Variants in CREB5 observed in about 807,000 individuals in gnomAD.
CREB5 encodes cAMP responsive element binding protein 5.
In CREB5, 19 loss-of-function variants were observed where a neutral mutation model predicts 57.1. The ratio of observed to expected loss-of-function variants is 0.33; its 90% confidence interval spans 0.23 to 0.49. The LOEUF (loss-of-function observed/expected upper bound fraction) is 0.49. Ranked by LOEUF, CREB5 falls within the 20% of genes least tolerant of loss-of-function variation. CREB5 has a pLI of 0.99. For synonymous variants in CREB5, 238 were observed against 238.3 expected, an observed-to-expected ratio of 1.00 and a Z score of 0.01; for missense variants, 579 against 671.6, an observed-to-expected ratio of 0.86 and a Z score of 1.52.
chr7:28,304,248 A>T (rs563201383), intron 1 of CREB5, among the ~76,000 whole-genome samples: 3 of 152,344 alleles, frequency 2.0e-5, no homozygotes, highest in Non-Finnish European at 4.4e-5. Context: ...CCAAACTATT[A>T]TTTAAATAAA....
At chr7:28,358,542 T>G (rs1387755174) in intron 1 of CREB5, among the ~76,000 whole-genome samples, 1 of 152,260 alleles carries the variant, frequency 6.6e-6, no homozygotes, top group Non-Finnish European at 1.5e-5. Flanking sequence ...TGTTTTCTTT[T>G]TAGACTTTGC....
At chr7:28,606,963 A>G (rs559876656) in intron 5 of CREB5, among the ~76,000 whole-genome samples, 1 of 152,150 alleles carries the variant, frequency 6.6e-6, no homozygotes, top group Non-Finnish European at 1.5e-5. Context: ...TGTTGGGAAC[A>G]TTCAATATCC....
rs5883161 is a variant in CREB5 at position 28,643,751 on chromosome 7, T to TCGGG, written c.464+73214_464+73215insCGGG. On this transcript the variant is annotated intron_variant, in intron 5 of 10. Transcript: ENST00000357727. ...ACGAATAGTTCACGGGTTTGGGAGG[T>TCGGG]GGGGGGGGGCGGAAGAAAAAAAAAA... Among the ~76,000 whole-genome samples the TCGGG allele has an allele frequency of 6.3e-4, 84 of 133,548 alleles. 2 individuals carry two copies. The highest frequency in any genetic ancestry group is 4.3e-3 in the South Asian group (18 of 4,196). The allele number at this position is 133,548 out of a possible 152,430, so 87.6% of individuals were successfully genotyped here.
intron 7 of CREB5, among the ~76,000 whole-genome samples, chr7:28,743,004 GAACTC>G (rs1230132114): frequency 6.6e-6 from 1 of 152,128 alleles, no homozygotes. Flanking sequence ...GGCTGGTCTT[GAACTC>G]CTGACCTCAA....
chr7:28,470,410 C>A (rs1470690810), intron 1 of CREB5, among the ~76,000 whole-genome samples: 1 of 152,150 alleles, frequency 6.6e-6, no homozygotes, highest in Non-Finnish European at 1.5e-5. Context: ...GAATCTCATT[C>A]TTTTTTATGG....
intron 7 of CREB5, among the ~76,000 whole-genome samples, chr7:28,762,492 A>G (rs530140649): frequency 6.6e-6 from 1 of 152,232 alleles, no homozygotes; most frequent in African/African-American, 2.4e-5. Context: ...ATCCTGCTAC[A>G]ACACAACTAA....
At chr7:28,403,601 C>T (rs1787519059) in intron 1 of CREB5, among the ~76,000 whole-genome samples, 1 of 152,046 alleles carries the variant, frequency 6.6e-6, no homozygotes, top group Non-Finnish European at 1.5e-5. Flanking sequence ...GATCACACAC[C>T]TAGTAAGTGA....
intron 1 of CREB5, among the ~76,000 whole-genome samples, chr7:28,449,016 A>G (rs187982583): frequency 1.3e-5 from 2 of 152,304 alleles, no homozygotes. Flanking sequence ...ATTCATAAGC[A>G]TTACCTACTC....
At chr7:28,484,522 A>C (rs1035192924) in intron 1 of CREB5, among the ~76,000 whole-genome samples, 3 of 152,224 alleles carry the variant, frequency 2.0e-5, no homozygotes, top group African/African-American at 7.2e-5. Context: ...AAGTTCACAC[A>C]CTTACAAATA....
At position 28,464,710 on chromosome 7, in the gene CREB5, T is replaced by A. The variant is rs1419148136; in HGVS notation, c.4-23465T>A. 8.5e-4 allele frequency among the ~76,000 whole-genome samples: 124 copies of A among 146,320 alleles called. No individual in the cohort carries two copies. In the Middle Eastern group the frequency reaches 0.011, roughly 12 times the overall value. ...ATCTACTTTTGTTTCAAGTTATTTT[T>A]AAAAAAAAAAAAAAGACTGCTAAAC... On this transcript the variant is annotated intron_variant, in intron 1 of 10. Coordinates refer to ENST00000357727, the MANE Select transcript of CREB5 (RefSeq NM_182898.4).
chr7:28,389,723 T>C (rs867248084), intron 1 of CREB5, among the ~76,000 whole-genome samples: 147 of 152,122 alleles, frequency 9.7e-4, no homozygotes, highest in African/African-American at 3.5e-3. Flanking sequence ...AAACCAAAAC[T>C]CTAAGCGGAC....
chr7:28,717,331 A>G (rs1802750109), intron 5 of CREB5, among the ~76,000 whole-genome samples: 1 of 152,170 alleles, frequency 6.6e-6, no homozygotes, highest in African/African-American at 2.4e-5. Context: ...TAAACTGATC[A>G]TAAATCTTGA....
intron 1 of CREB5, among the ~76,000 whole-genome samples, chr7:28,317,595 A>G (rs1479898720): frequency 6.6e-6 from 1 of 152,244 alleles, no homozygotes; most frequent in South Asian, 2.1e-4. Context: ...TCAGCTTCAC[A>G]ATCTACAATT....
intron 1 of CREB5, among the ~76,000 whole-genome samples, chr7:28,309,914 C>T (rs1476677820): frequency 6.6e-6 from 1 of 152,074 alleles, no homozygotes; most frequent in Non-Finnish European, 1.5e-5. Context: ...TAACCATTAA[C>T]AAGGAAGGAG....
At chr7:28,780,263 T>C (rs1029316695) in intron 7 of CREB5, among the ~76,000 whole-genome samples, 3 of 152,174 alleles carry the variant, frequency 2.0e-5, no homozygotes, top group Admixed American at 6.5e-5. Context: ...CGAAAGAAGC[T>C]GAATGCCATT....
At chr7:28,765,668 G>A (rs1296654334) in intron 7 of CREB5, among the ~76,000 whole-genome samples, 2 of 152,202 alleles carry the variant, frequency 1.3e-5, no homozygotes, top group African/African-American at 2.4e-5. Context: ...GATACGAATG[G>A]CTGCAGAGAA....
chr7:28,435,039 C>T (rs550644499), intron 1 of CREB5, among the ~76,000 whole-genome samples: 1 of 150,530 alleles, frequency 6.6e-6, no homozygotes, highest in Admixed American at 6.6e-5. Context: ...TGTAATTCCT[C>T]TAAAAGCAGA....
Position 28,635,648 on chromosome 7 carries a change from A to G in CREB5, c.464+65111A>G, listed in dbSNP as rs1432728589. 3.3e-5 allele frequency among the ~76,000 whole-genome samples: 5 copies of G among 152,198 alleles called. No individual in the cohort carries two copies. The South Asian group carries it at 6.2e-4, about 19-fold the overall frequency. The stretch of plus-strand genomic sequence containing the variant: ...TATTCTTTCTTCATATTTCTTGTGT[A>G]CTTCTTTCTGCCTATCACCATCATC... On this transcript the variant is annotated intron_variant, in intron 5 of 10. Coordinates refer to ENST00000357727, the MANE Select transcript of CREB5 (RefSeq NM_182898.4).
At chr7:28,554,124 C>G (rs912717363) in intron 4 of CREB5, among the ~76,000 whole-genome samples, 1 of 152,126 alleles carries the variant, frequency 6.6e-6, no homozygotes, top group Non-Finnish European at 1.5e-5. Flanking sequence ...AATTCCTTCC[C>G]CTTTGCAGAA....
Sources: allele counts gnomAD v4.1 joint callset (sites outside exome capture counted in the v4.1 genomes callset), GRCh38; gene constraint gnomAD v4.1.1; transcripts MANE v1.5; gene names NCBI Gene and HGNC (gene_info 2026-07-23, HGNC 2026-07-21).